ANKFN1: variants seen among roughly 807,000 people sequenced by gnomAD.
ANKFN1 encodes the protein ankyrin repeat and fibronectin type III domain containing 1.
ANKFN1 carries 74 observed loss-of-function variants against 108.7 expected under a neutral mutation model. The observed-to-expected ratio is 0.68, with a 90% CI of 0.56 to 0.83. The LOEUF (loss-of-function observed/expected upper bound fraction) is 0.83, where lower values mean the gene tolerates loss of function less well. ANKFN1 is among the 40% of genes least tolerant of loss of function. ANKFN1 has a pLI of 0.00. For synonymous variants in ANKFN1, 547 were observed against 516.2 expected (o/e 1.06, Z -0.81); for missense variants, 1,505 against 1,382.3 (o/e 1.09, Z -1.41).
chr17:56,233,641 A>G (rs1916899216), intron 3 of ANKFN1, among the ~76,000 whole-genome samples: 1 of 151,594 alleles, frequency 6.6e-6, no homozygotes, highest in Non-Finnish European at 1.5e-5. Context: ...TCTGTCTACA[A>G]CTCCTCCATT....
intron 8 of ANKFN1, among the ~76,000 whole-genome samples, chr17:56,395,250 G>A (rs1436394465): frequency 6.6e-6 from 1 of 152,144 alleles, no homozygotes; most frequent in African/African-American, 2.4e-5. Flanking sequence ...AAGCACTTAG[G>A]GACTAACAAC....
chr17:56,171,832 C>T (rs1256393269), intron 1 of ANKFN1, among the ~76,000 whole-genome samples: 2 of 152,020 alleles, frequency 1.3e-5, no homozygotes, highest in Non-Finnish European at 2.9e-5. Context: ...CCAGACATAC[C>T]CTGAGGTCTT....
At chr17:56,161,149 T>G (rs1268575929) in intron 1 of ANKFN1, among the ~76,000 whole-genome samples, 1 of 152,200 alleles carries the variant, frequency 6.6e-6, no homozygotes, top group Admixed American at 6.5e-5. Flanking sequence ...AAGATTGTAA[T>G]AGTATCGACC....
intron 8 of ANKFN1, among the ~76,000 whole-genome samples, chr17:56,434,054 T>C (rs1236951310): frequency 1.3e-5 from 2 of 151,960 alleles, no homozygotes; most frequent in Non-Finnish European, 2.9e-5. Context: ...AAAATTTAGG[T>C]AAGAGCCATA....
At chr17:56,344,858 G>C (rs796178250) in intron 4 of ANKFN1, among the ~76,000 whole-genome samples, 4 of 151,852 alleles carry the variant, frequency 2.6e-5, no homozygotes, top group African/African-American at 9.6e-5. Context: ...ACAGGCTACT[G>C]TTTTTTTGTT....
At chr17:56,183,194 T>A (rs1357698417) in intron 1 of ANKFN1, among the ~76,000 whole-genome samples, 1 of 152,146 alleles carries the variant, frequency 6.6e-6, no homozygotes, top group Non-Finnish European at 1.5e-5. Flanking sequence ...TCAACTCTTA[T>A]TATTTAAGGA....
rs1228635685 is a variant in ANKFN1 at position 56,449,070 on chromosome 17, G to T, written c.1100-9G>T. ...AAATTTCACTATGTTTATTTCTTTT[G>T]TTCAATAGACTGGAAAGACTATGAC... is the stretch of plus-strand genomic sequence containing the variant. On this transcript the variant is annotated splice_polypyrimidine_tract_variant and intron_variant, in intron 10 of 20. Coordinates refer to ENST00000682825, the MANE Select transcript of ANKFN1 (RefSeq NM_001370326.1). 5.6e-6 allele frequency: 9 copies of T among 1,610,134 alleles called. No homozygotes were observed. Among genetic ancestry groups the T allele is most frequent in the South Asian group, 1.1e-5 (1 of 90,996 alleles).
At chr17:56,359,519 G>T (rs2046459199) in intron 6 of ANKFN1, among the ~76,000 whole-genome samples, 1 of 151,896 alleles carries the variant, frequency 6.6e-6, no homozygotes, top group Non-Finnish European at 1.5e-5. Context: ...GCATTTCTTG[G>T]TGAATGCCTC....
At chr17:56,320,133 T>A (rs2045321312) in intron 3 of ANKFN1, among the ~76,000 whole-genome samples, 1 of 152,158 alleles carries the variant, frequency 6.6e-6, no homozygotes, top group Non-Finnish European at 1.5e-5. Context: ...GAGATACCAT[T>A]GCATGGCACA....
intron 20 of ANKFN1, 105 bp downstream of exon 20, chr17:56,499,203 G>T: frequency 9.2e-7 from 1 of 1,081,236 alleles, no homozygotes; most frequent in East Asian, 2.6e-5. Context: ...GAAAGTGGAT[G>T]AAAACACTGC....
At chr17:56,286,859 A>G (rs2044231427) in intron 3 of ANKFN1, among the ~76,000 whole-genome samples, 1 of 152,146 alleles carries the variant, frequency 6.6e-6, no homozygotes, top group South Asian at 2.1e-4. Flanking sequence ...GTATGTATAC[A>G]TATATGTGTA....
At chr17:56,085,308 T>C (rs1905297786) in intron 4 of ANKFN1, among the ~76,000 whole-genome samples, 1 of 150,268 alleles carries the variant, frequency 6.7e-6, no homozygotes, top group Non-Finnish European at 1.5e-5. Context: ...GATTACCAGG[T>C]GAGTCCTAAA....
At position 56,456,927 on chromosome 17, in the gene ANKFN1, A is replaced by G. The variant is rs753480992; in HGVS notation, c.1274A>G (p.His425Arg). Residue 425 changes from histidine (H) to arginine (R), a missense_variant, in exon 12 of 21, where the codon CAT (histidine) becomes CGT (arginine). His to Arg is a conservative substitution (Grantham distance 29). Transcript: ENST00000682825. ...SVSRSLKHLF[H>R]SSNKFVKTLK... is the part of the protein sequence containing the mutation. ...TCAAGAAGCCTGAAACACCTGTTCC[A>G]TTCCTCGAACAAGTTTGTGAAGACC... 3.1e-6 allele frequency: 5 copies of G among 1,614,168 alleles called. No individual in the cohort carries two copies. The highest frequency in any genetic ancestry group is 2.2e-5 in the East Asian group (1 of 44,864).
intron 14 of ANKFN1, among the ~76,000 whole-genome samples, chr17:56,464,227 C>T (rs1568022718): frequency 6.6e-6 from 1 of 152,092 alleles, no homozygotes; most frequent in Non-Finnish European, 1.5e-5. Context: ...TTATTCAACC[C>T]CTTAGAAAAC....
In ANKFN1 at chr17:56,448,801, AC is replaced by A. The variant is rs139581499; in HGVS notation, c.1100-277del. On this transcript the variant is annotated intron_variant, in intron 10 of 20. Transcript: ENST00000682825. ...AAGGGGTTGGAAGAGGTTAGATTGG[AC>A]TCCCAAATTCCTGTTTTCTTTTGGC... Among the ~76,000 whole-genome samples the A allele has an allele frequency of 9.1e-3, 1,387 of 152,012 alleles. 23 individuals carry two copies. Among genetic ancestry groups the A allele is most frequent in the African/African-American group, 0.031 (1,281 of 41,446 alleles).
chr17:56,173,591 G>T (rs1350208181), intron 1 of ANKFN1, among the ~76,000 whole-genome samples: 1 of 152,018 alleles, frequency 6.6e-6, no homozygotes, highest in African/African-American at 2.4e-5. Context: ...CCAAGTAGCT[G>T]AGACTAAAAA....
intron 5 of ANKFN1, 89 bp from the exon 6 acceptor site, chr17:56,353,747 C>T: frequency 8.4e-7 from 1 of 1,196,808 alleles, no homozygotes; most frequent in African/African-American, 1.5e-5. Context: ...CATGCAGTCC[C>T]TGAAACAGTC....
chr17:56,109,005 T>A (rs1905807606), intron 4 of ANKFN1, among the ~76,000 whole-genome samples: 1 of 152,052 alleles, frequency 6.6e-6, no homozygotes, highest in African/African-American at 2.4e-5. Flanking sequence ...ATTAATAGAG[T>A]GGTTAACACA....
chr17:56,374,187 T>C (rs2046884658), intron 7 of ANKFN1, among the ~76,000 whole-genome samples: 1 of 152,150 alleles, frequency 6.6e-6, no homozygotes, highest in Non-Finnish European at 1.5e-5. Context: ...CAAAAGTGAG[T>C]GTGCTATTTC....
Sources: allele counts gnomAD v4.1 joint callset (sites outside exome capture counted in the v4.1 genomes callset), GRCh38; gene constraint gnomAD v4.1.1; transcripts MANE v1.5; gene names NCBI Gene and HGNC (gene_info 2026-07-23, HGNC 2026-07-21).